The following RMND5A variants were observed in gnomAD, a reference collection of about 807,000 sequenced individuals.
The protein encoded by RMND5A is required for meiotic nuclear division 5 homolog A, also known as E3 ubiquitin-protein transferase RMND5A.
In RMND5A, 17 loss-of-function variants were observed where a neutral mutation model predicts 49.7. The ratio of observed to expected loss-of-function variants is 0.34; its 90% CI spans 0.23 to 0.51. The LOEUF (loss-of-function observed/expected upper bound fraction) is 0.51, where lower values mean the gene tolerates loss of function less well. Among genes scored for constraint, RMND5A ranks in the 20% least tolerant of loss-of-function variants. The pLI, the probability that RMND5A is intolerant of heterozygous loss-of-function variation, is 0.96. For synonymous variants in RMND5A, 156 were observed against 167.7 expected (o/e 0.93, Z 0.54); for missense variants, 255 against 471.3 (o/e 0.54, Z 4.25).
At chr2:86,746,072 G>A (rs766750218) in intron 2 of RMND5A, among the ~76,000 whole-genome samples, 1 of 152,128 alleles carries the variant, frequency 6.6e-6, no homozygotes, top group East Asian at 1.9e-4. Flanking sequence ...TGGAGTAATG[G>A]TATAAAAAAA....
At chr2:86,755,036 C>T (rs908209905) in intron 4 of RMND5A, among the ~76,000 whole-genome samples, 3 of 152,038 alleles carry the variant, frequency 2.0e-5, no homozygotes, top group African/African-American at 4.8e-5. Context: ...AAGCAAATTT[C>T]AGATTGTGAC....
chr2:86,749,765 C>A (rs778898824), intron 2 of RMND5A, among the ~76,000 whole-genome samples: 12 of 152,198 alleles, frequency 7.9e-5, no homozygotes, highest in Non-Finnish European at 1.8e-4. Context: ...AAAATTAAGA[C>A]TGACAATATT....
chr2:86,765,259 G>T, intron 5 of RMND5A, 66 bp downstream of exon 5: 1 of 1,349,098 alleles, frequency 7.4e-7, no homozygotes. Flanking sequence ...TAACTTAACA[G>T]TTCTTAACTA....
At chr2:86,732,735 T>G (rs1300454371) in intron 1 of RMND5A, among the ~76,000 whole-genome samples, 5 of 142,144 alleles carry the variant, frequency 3.5e-5, no homozygotes, top group African/African-American at 1.4e-4. Context: ...GAAATAGTTT[T>G]GTAAAAAAGA....
intron 6 of RMND5A, among the ~76,000 whole-genome samples, chr2:86,766,717 G>A (rs1315334497): frequency 6.6e-6 from 1 of 151,700 alleles, no homozygotes; most frequent in Non-Finnish European, 1.5e-5. Flanking sequence ...GCCTGGTGTG[G>A]TGGCTCACAT....
rs569096771 is a variant in RMND5A, at chr2:86,754,633, C to T, written c.521+1075C>T. 7.2e-5 allele frequency among the ~76,000 whole-genome samples: 11 copies of T among 152,234 alleles called. No individual in the cohort carries two copies. In the South Asian group the frequency reaches 2.3e-3, roughly 32 times the overall value. On this transcript the variant is annotated intron_variant, in intron 4 of 8. Transcript: ENST00000283632. ...CCAGGCTAGAGTGCAGTGGCATAAT[C>T]ATGGCTCACTCCAGCCCCAACCCCC...
intron 2 of RMND5A, among the ~76,000 whole-genome samples, chr2:86,743,511 C>G (rs559198472): frequency 1.3e-5 from 2 of 151,672 alleles, no homozygotes; most frequent in South Asian, 4.2e-4. Flanking sequence ...TTTGCCCAAG[C>G]TGGAGTGCAG....
intron 2 of RMND5A, among the ~76,000 whole-genome samples, chr2:86,748,782 A>G (rs1402636986): frequency 6.6e-6 from 1 of 152,238 alleles, no homozygotes; most frequent in Non-Finnish European, 1.5e-5. Context: ...TTGTTTCAAC[A>G]TGATCTGTGC....
At chr2:86,766,445 C>G (rs1234264512) in intron 6 of RMND5A, among the ~76,000 whole-genome samples, 3 of 152,028 alleles carry the variant, frequency 2.0e-5, no homozygotes, top group Admixed American at 6.6e-5. Flanking sequence ...GAGGGTGGAT[C>G]ACGAGATCAG....
In RMND5A at chr2:86,771,792, T is replaced by G; in HGVS notation, c.1112+80T>G. The G allele has an allele frequency of 4.2e-6, 5 of 1,190,176 alleles. No individual in the cohort carries two copies. In the East Asian group the frequency reaches 1.2e-4, roughly 28 times the overall value. The allele number at this position is 1,190,176 out of a possible 1,614,324, so 73.7% of individuals were successfully genotyped here. On this transcript the variant is annotated intron_variant, in intron 8 of 8. Coordinates refer to ENST00000283632, the MANE Select transcript of RMND5A (RefSeq NM_022780.4). ...GTAGGAGGATAAGAAGTGATGAGGATTAAAAAAATGTAGCTAGATTTAGAA... is the reference window on the plus strand; with the variant it reads ...GTAGGAGGATAAGAAGTGATGAGGAGTAAAAAAATGTAGCTAGATTTAGAA...
Position 86,774,268 on chromosome 2 carries a change from C to G in RMND5A, c.*857C>G, listed in dbSNP as rs1672729509. On this transcript the variant is annotated 3_prime_UTR_variant, in exon 9 of 9. Coordinates refer to ENST00000283632, the MANE Select transcript of RMND5A (RefSeq NM_022780.4). ...TAGCCCTATTATATCATTGCAGACA[C>G]AGTGTTGTGCATGTGTGTATTGTAT... 1.3e-5 allele frequency: 2 copies of G among 152,590 alleles called. No homozygotes were observed. Among genetic ancestry groups the G allele is most frequent in the African/African-American group, 4.8e-5 (2 of 41,430 alleles). The allele number at this position is 152,590 out of a possible 1,614,324, so 9.5% of individuals were successfully genotyped here. A position where few individuals can be genotyped will look rare whatever the true frequency, so the allele number is the denominator to read the frequency against.
Position 86,759,721 on chromosome 2 carries a change from A to G in RMND5A, c.522-5306A>G, listed in dbSNP as rs190649647. On this transcript the variant is annotated intron_variant, in intron 4 of 8. Coordinates refer to ENST00000283632, the MANE Select transcript of RMND5A (RefSeq NM_022780.4). ...AGGCTGAGGCACAAGAATCACTTGAACCCGGGAGGCAGAGGTTGCAGTGAG... is the reference window on the plus strand; with the variant it reads ...AGGCTGAGGCACAAGAATCACTTGAGCCCGGGAGGCAGAGGTTGCAGTGAG... Among the ~76,000 whole-genome samples, 649 of 151,236 alleles carry G rather than the reference A, an allele frequency of 4.3e-3. 7 individuals are homozygous for G. The highest frequency in any genetic ancestry group is 0.014 in the African/African-American group (595 of 41,224).
intron 2 of RMND5A, among the ~76,000 whole-genome samples, chr2:86,746,666 T>C (rs1278518331): frequency 6.6e-6 from 1 of 152,246 alleles, no homozygotes; most frequent in Non-Finnish European, 1.5e-5. Flanking sequence ...GCACCCACTC[T>C]ACATATGAAT....
At chr2:86,760,541 A>G (rs1672461869) in intron 4 of RMND5A, among the ~76,000 whole-genome samples, 1 of 152,232 alleles carries the variant, frequency 6.6e-6, no homozygotes, top group Non-Finnish European at 1.5e-5. Context: ...ACATCTGGAC[A>G]TAACAGGAGC....
intron 1 of RMND5A, among the ~76,000 whole-genome samples, chr2:86,740,634 C>A (rs1347326880): frequency 7.0e-6 from 1 of 142,962 alleles, no homozygotes. Flanking sequence ...GACATATTTT[C>A]TCAAAAATAA....
chr2:86,752,155 A>T (rs1470870875), intron 3 of RMND5A, 125 bp downstream of exon 3: 1 of 845,514 alleles, frequency 1.2e-6, no homozygotes, highest in Non-Finnish European at 1.7e-6. Context: ...TATTTAAATT[A>T]TCAGAGATGA....
At position 86,777,879 on chromosome 2, in the gene RMND5A, CTT is replaced by C. The variant is rs1424600770; in HGVS notation, c.*4470_*4471del. 1 of 152,136 alleles carries C rather than the reference CTT, an allele frequency of 6.6e-6. No individual in the cohort carries two copies. The highest frequency in any genetic ancestry group is 2.4e-5 in the African/African-American group (1 of 41,404). 9.4% of individuals were successfully genotyped at this position (152,136 alleles called of 1,614,324 possible). A position where few individuals can be genotyped will look rare whatever the true frequency, so the allele number is the denominator to read the frequency against. Reference sequence around the variant, plus strand: ...AGTAGTTTCAGGGAATTCATTTTAACTTTAAGAATTCTGATATATTTAATTTA... The same window carrying C: ...AGTAGTTTCAGGGAATTCATTTTAACTAAGAATTCTGATATATTTAATTTA... On this transcript the variant is annotated 3_prime_UTR_variant, in exon 9 of 9. Coordinates refer to ENST00000283632, the MANE Select transcript of RMND5A (RefSeq NM_022780.4).
At chr2:86,751,873 C>T (rs1305636151) in intron 2 of RMND5A, 23 bp from the exon 3 acceptor site, 1 of 1,605,218 alleles carries the variant, frequency 6.2e-7, no homozygotes, top group Non-Finnish European at 8.5e-7. Context: ...ATTTATGATT[C>T]CCTTTCTCTT....
At chr2:86,749,171 G>C (rs907976487) in intron 2 of RMND5A, among the ~76,000 whole-genome samples, 2 of 152,282 alleles carry the variant, frequency 1.3e-5, no homozygotes, top group East Asian at 3.9e-4. Context: ...ACCATCTCCG[G>C]TGTTGTAGTT....
Sources: allele counts gnomAD v4.1 joint callset (sites outside exome capture counted in the v4.1 genomes callset), GRCh38; gene constraint gnomAD v4.1.1; transcripts MANE v1.5; gene names NCBI Gene and HGNC (gene_info 2026-07-23, HGNC 2026-07-21).